INPP4B: variants seen among roughly 807,000 people sequenced by gnomAD.
INPP4B encodes inositol polyphosphate 4-phosphatase type II.
Under a neutral mutation model 122.5 loss-of-function variants are expected in INPP4B, and 55 were observed. The observed-to-expected ratio is 0.45, with a 90% CI of 0.36 to 0.56. INPP4B has a LOEUF of 0.56. Ranked by LOEUF, INPP4B falls within the 20% of genes least tolerant of loss-of-function variation. INPP4B has a pLI of 0.00. For synonymous variants in INPP4B, 403 were observed against 388.7 expected (o/e 1.04, Z -0.43); for missense variants, 1,000 against 1,097.7 (o/e 0.91, Z 1.26).
chr4:142,391,345 G>A (rs1385819684), intron 7 of INPP4B, among the ~76,000 whole-genome samples: 1 of 152,134 alleles, frequency 6.6e-6, no homozygotes, highest in Non-Finnish European at 1.5e-5. Flanking sequence ...ATCATCTGAG[G>A]TCAGGAGTTC....
Position 142,028,831 on chromosome 4 carries a change from G to A in INPP4B, c.2726C>T (p.Pro909Leu). ...AFNMLQLMAF[P>L]KYYRPPEGTY... ...CCCCTCTGGAGGTCTGTAGTACTTGGGGAAAGCCATCAGCTGTAGCATGTT... is the reference window on the plus strand; with the variant it reads ...CCCCTCTGGAGGTCTGTAGTACTTGAGGAAAGCCATCAGCTGTAGCATGTT... Residue 909 changes from proline (P) to leucine (L), a missense_variant, in exon 26 of 26, where the codon CCC becomes CTC. Pro to Leu is a moderately conservative substitution (Grantham distance 98). Transcript: ENST00000262992. The A allele has an allele frequency of 1.2e-6, 2 of 1,613,520 alleles. No individual in the cohort carries two copies. The highest frequency in any genetic ancestry group is 1.7e-6 in the Non-Finnish European group (2 of 1,179,630).
chr4:142,792,612 A>G (rs1776710574), intron 1 of INPP4B, among the ~76,000 whole-genome samples: 2 of 151,946 alleles, frequency 1.3e-5, no homozygotes, highest in South Asian at 4.2e-4. Context: ...ATTACCATGT[A>G]CTCAGAAAAA....
chr4:142,108,040 A>G lies in INPP4B; in HGVS notation c.2374+53T>C. 3.2e-6 allele frequency: 3 copies of G among 941,132 alleles called. No homozygotes were observed. In the East Asian group the frequency reaches 7.2e-5, roughly 23 times the overall value. 58.3% of individuals were successfully genotyped at this position (941,132 alleles called of 1,614,324 possible). ...GACCTCTATGTCTGACCTCTTCTAA[A>G]GATTTATAATCAAGAAGCTATTATT... On this transcript the variant is annotated intron_variant, in intron 23 of 25. Transcript: ENST00000262992.
intron 2 of INPP4B, among the ~76,000 whole-genome samples, chr4:142,630,658 AG>A (rs1747727542): frequency 6.6e-6 from 1 of 152,138 alleles, no homozygotes; most frequent in African/African-American, 2.4e-5. Context: ...GAGACTTAGG[AG>A]GACAGAAGAA....
At chr4:142,158,651 A>G (rs947232488) in intron 17 of INPP4B, among the ~76,000 whole-genome samples, 1 of 152,082 alleles carries the variant, frequency 6.6e-6, no homozygotes, top group African/African-American at 2.4e-5. Flanking sequence ...ACATATTTTT[A>G]TCTATCACTA....
chr4:142,648,559 A>G (rs1341404845), intron 2 of INPP4B, among the ~76,000 whole-genome samples: 1 of 152,214 alleles, frequency 6.6e-6, no homozygotes, highest in Non-Finnish European at 1.5e-5. Flanking sequence ...ACGAAACCTT[A>G]ATCACTGCCA....
intron 2 of INPP4B, among the ~76,000 whole-genome samples, chr4:142,636,640 T>TA (rs1749223678): frequency 1.3e-5 from 2 of 152,090 alleles, no homozygotes; most frequent in Non-Finnish European, 2.9e-5. Flanking sequence ...ATACTCTTCC[T>TA]AAAAAATGTA....
At chr4:142,268,645 T>A (rs936659361) in intron 10 of INPP4B, among the ~76,000 whole-genome samples, 2 of 152,086 alleles carry the variant, frequency 1.3e-5, no homozygotes, top group South Asian at 2.1e-4. Context: ...AAATGTGGTA[T>A]ATACCACAAT....
intron 2 of INPP4B, among the ~76,000 whole-genome samples, chr4:142,618,620 A>T (rs1365398799): frequency 6.6e-6 from 1 of 152,102 alleles, no homozygotes; most frequent in Non-Finnish European, 1.5e-5. Context: ...AATAAGCCCA[A>T]ACTATGTAAT....
At chr4:142,344,503 GT>G (rs1242146716) in intron 7 of INPP4B, among the ~76,000 whole-genome samples, 1 of 151,910 alleles carries the variant, frequency 6.6e-6, no homozygotes, top group Non-Finnish European at 1.5e-5. Context: ...CTCCTATAAG[GT>G]GTAAATTTAC....
intron 2 of INPP4B, among the ~76,000 whole-genome samples, chr4:142,692,713 T>TA (rs1225620109): frequency 6.6e-6 from 1 of 152,188 alleles, no homozygotes; most frequent in Non-Finnish European, 1.5e-5. Context: ...GTCCAGGAGT[T>TA]ACGGTTCTGC....
intron 16 of INPP4B, among the ~76,000 whole-genome samples, chr4:142,167,598 T>C (rs1484554597): frequency 6.6e-6 from 1 of 151,690 alleles, no homozygotes; most frequent in Admixed American, 6.6e-5. Flanking sequence ...ATTTCTGCTG[T>C]GCTTTTGTCT....
chr4:142,225,028 T>C (rs1850931867), intron 12 of INPP4B, among the ~76,000 whole-genome samples: 1 of 152,078 alleles, frequency 6.6e-6, no homozygotes, highest in Non-Finnish European at 1.5e-5. Flanking sequence ...TCTGGGTGCT[T>C]CTGGCTGTTA....
At chr4:142,333,301 G>T (rs1579765297) in intron 7 of INPP4B, among the ~76,000 whole-genome samples, 1 of 152,136 alleles carries the variant, frequency 6.6e-6, no homozygotes, top group African/African-American at 2.4e-5. Flanking sequence ...CAGACCACTG[G>T]ATTAGAATTC....
intron 12 of INPP4B, among the ~76,000 whole-genome samples, chr4:142,224,121 G>A (rs993955620): frequency 1.3e-5 from 2 of 152,190 alleles, no homozygotes; most frequent in Non-Finnish European, 2.9e-5. Context: ...ACAAGGCGAG[G>A]CTGGAGAAAT....
At chr4:142,807,490 T>C (rs1242134102) in intron 1 of INPP4B, among the ~76,000 whole-genome samples, 1 of 152,096 alleles carries the variant, frequency 6.6e-6, no homozygotes, top group Non-Finnish European at 1.5e-5. Flanking sequence ...GCCTGGACAG[T>C]TTATGCTACA....
intron 21 of INPP4B, among the ~76,000 whole-genome samples, chr4:142,113,921 T>A (rs2152710694): frequency 6.6e-6 from 1 of 151,808 alleles, no homozygotes; most frequent in South Asian, 2.1e-4. Context: ...TACATTTCCA[T>A]CAACTTAAAA....
At chr4:142,288,557 T>C (rs2150930672) in intron 9 of INPP4B, among the ~76,000 whole-genome samples, 1 of 152,136 alleles carries the variant, frequency 6.6e-6, no homozygotes, top group East Asian at 1.9e-4. Flanking sequence ...CACTCCAGCC[T>C]GGGCGACAGA....
At chr4:142,737,405 C>A (rs1291481195) in intron 1 of INPP4B, among the ~76,000 whole-genome samples, 4 of 152,124 alleles carry the variant, frequency 2.6e-5, no homozygotes, top group South Asian at 2.1e-4. Context: ...AACTGGCTAG[C>A]TATATGTAGA....
Sources: gnomAD v4.1 joint callset for allele counts (sites outside exome capture counted in the v4.1 genomes callset) on GRCh38, gnomAD v4.1.1 for gene constraint, MANE v1.5 for transcripts, NCBI Gene and HGNC (gene_info 2026-07-23, HGNC 2026-07-21) for gene names.